Variants in RAPGEF6 observed in about 807,000 individuals in gnomAD.
The protein encoded by RAPGEF6 is Rap guanine nucleotide exchange factor 6.
A neutral mutation model predicts 171.4 loss-of-function variants in RAPGEF6; 56 were observed. That is an observed-to-expected ratio of 0.33 (90% confidence interval 0.26 to 0.41). The LOEUF (loss-of-function observed/expected upper bound fraction) is 0.41. Ranked by LOEUF, RAPGEF6 falls within the 10% of genes least tolerant of loss-of-function variation. The pLI is 1.00. For missense variants in RAPGEF6, 1,674 were observed against 1,921.4 expected, an observed-to-expected ratio of 0.87 and a Z score of 2.41; for synonymous variants, 692 against 650.1, an observed-to-expected ratio of 1.06 and a Z score of -0.98.
chr5:131,479,490 T>C (rs752236613), intron 16 of RAPGEF6, 23 bp downstream of exon 16: 1 of 1,609,904 alleles, frequency 6.2e-7, no homozygotes, highest in East Asian at 2.2e-5. Context: ...AATTCCTGCA[T>C]AGCTAAGATC....
Position 131,472,632 on chromosome 5 carries a change from G to A in RAPGEF6, c.2194C>T (p.Leu732Phe). The A allele has an allele frequency of 1.2e-6, 2 of 1,614,108 alleles. No homozygotes were observed. The highest frequency in any genetic ancestry group is 2.7e-5 in the African/African-American group (2 of 75,060). The change falls in exon 17 of 28, where the codon CTC (leucine) becomes TTC (phenylalanine). Residue 732 changes from leucine (L) to phenylalanine (F), a missense_variant. Physicochemically the swap from Leu to Phe is conservative, Grantham distance 22. Coordinates refer to ENST00000509018, the MANE Select transcript of RAPGEF6 (RefSeq NM_016340.6). ...AACATACTGGTGGTAGGCTGCAGGA[G>A]ATCAGGGCTGCTGGATGAGAGTGTT... ...PGTLSSSSPD[L>F]LQPTTSMLDF...
Position 131,426,791 on chromosome 5 carries a change from C to A in RAPGEF6, c.*475G>T. On this transcript the variant is annotated 3_prime_UTR_variant, in exon 28 of 28. Transcript: ENST00000509018. ...ATGAATATCAGCTAACAAGAGCTCT[C>A]AAATACAAACAAAACCACAACAATT... is the stretch of plus-strand genomic sequence containing the variant. 1 of 181,440 alleles carries A rather than the reference C, an allele frequency of 5.5e-6. No individual in the cohort carries two copies. Among genetic ancestry groups the A allele is most frequent in the South Asian group, 1.2e-4 (1 of 8,296 alleles). 11.2% of individuals were successfully genotyped at this position (181,440 alleles called of 1,614,324 possible). A position where few individuals can be genotyped will look rare whatever the true frequency, so the allele number is the denominator to read the frequency against.
intron 4 of RAPGEF6, among the ~76,000 whole-genome samples, chr5:131,580,340 C>T (rs989777630): frequency 6.6e-6 from 1 of 152,136 alleles, no homozygotes; most frequent in Non-Finnish European, 1.5e-5. Context: ...TGGGGCCCAC[C>T]AAGCCCACGC....
At position 131,433,638 on chromosome 5, in the gene RAPGEF6, C is replaced by G; in HGVS notation, c.3766G>C (p.Ala1256Pro). The change falls in exon 25 of 28, where the codon GCT (alanine) becomes CCT (proline). Residue 1256 changes from alanine to proline, a missense_variant. Physicochemically the swap from Ala to Pro is conservative, Grantham distance 27. Around this residue, in one of 3 missense-constraint regions of RAPGEF6, gnomAD observed 552 missense variants for 574.2 expected, o/e 0.96. Transcript: ENST00000509018. ...GAGTCAGACAAGTTGTCAGATTTAG[C>G]TGATGGAATAAGTGTGTAACCTGAA... ...PHKGYTLIPSAKSDNLSDSSH... is the reference protein window; with the variant it reads ...PHKGYTLIPSPKSDNLSDSSH... 6.2e-7 allele frequency: 1 copy of G among 1,610,142 alleles called. No individual in the cohort carries two copies. Among genetic ancestry groups the G allele is most frequent in the Non-Finnish European group, 8.5e-7 (1 of 1,176,922 alleles).
At chr5:131,527,859 C>CA (rs1758995383) in intron 6 of RAPGEF6, among the ~76,000 whole-genome samples, 1 of 150,896 alleles carries the variant, frequency 6.6e-6, no homozygotes, top group Middle Eastern at 3.4e-3. Flanking sequence ...ACTAAAAATA[C>CA]AAAAAATTAG....
chr5:131,467,735 A>C lies in RAPGEF6; in HGVS notation c.2240-3454T>G, dbSNP rs1048182448. Among the ~76,000 whole-genome samples the C allele has an allele frequency of 2.0e-5, 3 of 152,260 alleles. No individual in the cohort carries two copies. The East Asian group carries it at 5.8e-4, about 29-fold the overall frequency. ...AATTTTAAAGGCAAAACAGACATTT[A>C]AAAAGAATCTTGGAAGCCAGGGGCG... is the stretch of plus-strand genomic sequence containing the variant. On this transcript the variant is annotated intron_variant, in intron 17 of 27. Transcript: ENST00000509018.
At chr5:131,486,144 G>C (rs1162569444) in intron 15 of RAPGEF6, among the ~76,000 whole-genome samples, 1 of 152,156 alleles carries the variant, frequency 6.6e-6, no homozygotes, top group East Asian at 1.9e-4. Flanking sequence ...TCCTAACAAA[G>C]GTTGTAATGC....
intron 6 of RAPGEF6, among the ~76,000 whole-genome samples, chr5:131,534,973 C>G (rs1348402894): frequency 6.6e-6 from 1 of 152,084 alleles, no homozygotes; most frequent in Admixed American, 6.6e-5. Flanking sequence ...AGAAGGACCT[C>G]AAGCTGGGCA....
intron 3 of RAPGEF6, 100 bp downstream of exon 3, chr5:131,603,171 G>T: frequency 1.2e-6 from 1 of 856,968 alleles, no homozygotes; most frequent in Non-Finnish European, 1.9e-6. Flanking sequence ...TTTTCAGTGT[G>T]CTCTACATAA....
chr5:131,530,125 G>A (rs1759273823), intron 6 of RAPGEF6, among the ~76,000 whole-genome samples: 2 of 147,890 alleles, frequency 1.4e-5, no homozygotes, highest in African/African-American at 2.5e-5. Flanking sequence ...CCAAGCTTGA[G>A]GACCACATCT....
At chr5:131,629,242 G>T (rs921213417) in intron 1 of RAPGEF6, among the ~76,000 whole-genome samples, 1 of 152,172 alleles carries the variant, frequency 6.6e-6, no homozygotes, top group Non-Finnish European at 1.5e-5. Context: ...CACTTTGGGA[G>T]GCTGAGGTGG....
At chr5:131,593,308 CCA>C (rs1331297100) in intron 3 of RAPGEF6, among the ~76,000 whole-genome samples, 2 of 152,198 alleles carry the variant, frequency 1.3e-5, no homozygotes, top group African/African-American at 2.4e-5. Flanking sequence ...AAGGAATTTA[CCA>C]CAGAGAAATC....
intron 21 of RAPGEF6, chr5:131,450,115 TGA>T (rs1752968274): frequency 1.4e-6 from 2 of 1,435,490 alleles, no homozygotes; most frequent in African/African-American, 2.8e-5. Flanking sequence ...AGACAACAGT[TGA>T]GAGTCAGAGA....
chr5:131,445,834 G>C (rs1432605477), intron 22 of RAPGEF6, among the ~76,000 whole-genome samples: 4 of 151,906 alleles, frequency 2.6e-5, no homozygotes, highest in Non-Finnish European at 1.5e-5. Context: ...CACCACGCCT[G>C]GCCTTAACCT....
intron 1 of RAPGEF6, among the ~76,000 whole-genome samples, chr5:131,622,475 C>T (rs1311185211): frequency 6.6e-6 from 1 of 152,208 alleles, no homozygotes; most frequent in South Asian, 2.1e-4. Context: ...TAAATAAAAA[C>T]AGAATGAGCA....
chr5:131,532,250 C>T (rs1759439423), intron 6 of RAPGEF6: 2 of 373,646 alleles, frequency 5.4e-6, no homozygotes, highest in South Asian at 2.0e-5. Context: ...ACAAATCATA[C>T]ACCACTGCAG....
chr5:131,491,056 G>A (rs1383162200), intron 14 of RAPGEF6, among the ~76,000 whole-genome samples: 2 of 122,288 alleles, frequency 1.6e-5, no homozygotes, highest in South Asian at 4.6e-4. Context: ...ATGATTTCAC[G>A]TGTGTGTGTG....
At chr5:131,432,288 C>T (rs1751755531) in intron 25 of RAPGEF6, among the ~76,000 whole-genome samples, 1 of 152,120 alleles carries the variant, frequency 6.6e-6, no homozygotes, top group Admixed American at 6.5e-5. Context: ...AACTACAGCC[C>T]AGGGCCAAAT....
chr5:131,552,365 A>C (rs1581012945), intron 5 of RAPGEF6, among the ~76,000 whole-genome samples: 1 of 152,174 alleles, frequency 6.6e-6, no homozygotes, highest in East Asian at 1.9e-4. Context: ...TTGAATTCAC[A>C]ATACCTCAAG....
Sources: gnomAD v4.1 joint callset for allele counts (sites outside exome capture counted in the v4.1 genomes callset) on GRCh38, gnomAD v4.1.1 for gene constraint, gnomAD v4.1.1 regional missense constraint, MANE v1.5 for transcripts, NCBI Gene and HGNC (gene_info 2026-07-23, HGNC 2026-07-21) for gene names.